The following NME8 variants were observed in gnomAD, a reference collection of about 807,000 sequenced individuals.
NME8 encodes NME/NM23 family member 8.
Under a neutral mutation model 82.3 loss-of-function variants are expected in NME8, and 72 were observed. The observed-to-expected ratio is 0.87, with a 90% CI of 0.72 to 1.06. NME8 has a LOEUF of 1.06. Ranked by LOEUF, NME8 falls within the 50% of genes least tolerant of loss-of-function variation. NME8 has a pLI of 0.00. For synonymous variants in NME8, 267 were observed against 228.5 expected, an observed-to-expected ratio of 1.17 and a Z score of -1.52; for missense variants, 712 against 685.4, an observed-to-expected ratio of 1.04 and a Z score of -0.43.
At chr7:37,853,154 C>T (rs1430864008) in intron 5 of NME8, among the ~76,000 whole-genome samples, 2 of 151,966 alleles carry the variant, frequency 1.3e-5, no homozygotes, top group Non-Finnish European at 2.9e-5. Context: ...AGGATTTTGG[C>T]TTATTTTTTT....
At chr7:37,898,509 A>G (rs529311107) in intron 17 of NME8, among the ~76,000 whole-genome samples, 1 of 152,224 alleles carries the variant, frequency 6.6e-6, no homozygotes, top group Non-Finnish European at 1.5e-5. Flanking sequence ...AGTGTGGTAT[A>G]AAGATACAAC....
intron 13 of NME8, 150 bp downstream of exon 13, chr7:37,884,597 A>G: frequency 1.5e-6 from 1 of 655,100 alleles, no homozygotes; most frequent in South Asian, 1.8e-5. Flanking sequence ...TCCCATCCCA[A>G]TCCTCTGCTC....
chr7:37,864,932 C>T (rs1228251542), intron 9 of NME8, among the ~76,000 whole-genome samples: 1 of 152,088 alleles, frequency 6.6e-6, no homozygotes, highest in East Asian at 1.9e-4. Context: ...GAAAGACTAG[C>T]CCCCATAATT....
chr7:37,854,798 C>G (rs1448798512), intron 5 of NME8, among the ~76,000 whole-genome samples: 1 of 94,970 alleles, frequency 1.1e-5, no homozygotes, highest in African/African-American at 3.0e-5. Flanking sequence ...TATCTTGAAA[C>G]CTTTCACCCC....
intron 6 of NME8, among the ~76,000 whole-genome samples, chr7:37,858,893 A>G (rs933236008): frequency 1.7e-4 from 26 of 152,194 alleles, no homozygotes; most frequent in African/African-American, 6.3e-4. Flanking sequence ...TCCCTACAGT[A>G]ATGAGTGAGT....
chr7:37,861,536 G>A (rs957462004), intron 6 of NME8, among the ~76,000 whole-genome samples: 5 of 152,074 alleles, frequency 3.3e-5, no homozygotes, highest in African/African-American at 7.2e-5. Flanking sequence ...GTGTTTTTAT[G>A]TAGGGCTTTT....
At chr7:37,891,491 A>G (rs746644851) in intron 15 of NME8, among the ~76,000 whole-genome samples, 4 of 151,982 alleles carry the variant, frequency 2.6e-5, no homozygotes, top group Admixed American at 6.6e-5. Flanking sequence ...AGTTTAAAAC[A>G]TCTTATTATT....
chr7:37,867,826 A>G lies in NME8; in HGVS notation c.746A>G (p.Asn249Ser). Reference sequence around the variant, plus strand: ...GAACCACAGACTGACACCGAACCTAACGAACGATCTGAGGATCAACCTGAG... The same window carrying G: ...GAACCACAGACTGACACCGAACCTAGCGAACGATCTGAGGATCAACCTGAG... Reference protein sequence around the residue: ...ETEPQTDTEPNERSEDQPEVE... With the variant: ...ETEPQTDTEPSERSEDQPEVE... Residue 249 changes from asparagine (N) to serine (S), a missense_variant, in exon 11 of 18, where the codon AAC (asparagine) becomes AGC (serine). By Grantham distance (46) the Asn-to-Ser change is conservative. Coordinates refer to ENST00000199447, the MANE Select transcript of NME8 (RefSeq NM_016616.5). 6.2e-7 allele frequency: 1 copy of G among 1,613,892 alleles called. No individual in the cohort carries two copies. Among genetic ancestry groups the G allele is most frequent in the Non-Finnish European group, 8.5e-7 (1 of 1,179,870 alleles).
Position 37,888,293 on chromosome 7 carries a change from G to C in NME8, c.1264G>C (p.Ala422Pro). 6.2e-7 allele frequency: 1 copy of C among 1,613,536 alleles called. No homozygotes were observed. The highest frequency in any genetic ancestry group is 8.5e-7 in the Non-Finnish European group (1 of 1,179,628). Reference sequence around the variant, plus strand: ...TTTTCAAAGTTTATGTGCACAGTTTGCGATGGACAGTTTGCCGGTCAACCA... The same window carrying C: ...TTTTCAAAGTTTATGTGCACAGTTTCCGATGGACAGTTTGCCGGTCAACCA... Reference protein sequence around the residue: ...YFPESLCAQFAMDSLPVNQLY... With the variant: ...YFPESLCAQFPMDSLPVNQLY... Residue 422 changes from alanine (A) to proline (P), a missense_variant, in exon 15 of 18, where the codon GCG (alanine) becomes CCG (proline). Coordinates refer to ENST00000199447, the MANE Select transcript of NME8 (RefSeq NM_016616.5).
At chr7:37,887,525 ATTG>A (rs975476680) in intron 14 of NME8, among the ~76,000 whole-genome samples, 31 of 152,188 alleles carry the variant, frequency 2.0e-4, no homozygotes, top group African/African-American at 6.8e-4. Context: ...AACAGGTTTT[ATTG>A]TTGTATTTAT....
chr7:37,894,797 CT>C (rs2131975627), intron 16 of NME8, among the ~76,000 whole-genome samples, 187 bp downstream of exon 16: 1 of 152,014 alleles, frequency 6.6e-6, no homozygotes, highest in African/African-American at 2.4e-5. Context: ...TTTTCTCTCT[CT>C]CATTCTGTCT....
chr7:37,876,609 T>C (rs1421294658), intron 11 of NME8, among the ~76,000 whole-genome samples: 1 of 152,158 alleles, frequency 6.6e-6, no homozygotes, highest in Non-Finnish European at 1.5e-5. Context: ...AAGTCAAACA[T>C]AGATAATATC....
intron 9 of NME8, 96 bp downstream of exon 9, chr7:37,864,517 G>C (rs960661406): frequency 1.1e-5 from 14 of 1,261,902 alleles, no homozygotes; most frequent in African/African-American, 1.5e-5. Flanking sequence ...GAGTGAAATA[G>C]AACAAAATGC....
At chr7:37,885,305 A>G (rs371651158) in intron 14 of NME8, 53 bp downstream of exon 14, 1 of 1,073,124 alleles carries the variant, frequency 9.3e-7, no homozygotes. Context: ...CATTTTAAAC[A>G]CCTTTTTAGA....
At chr7:37,896,437 T>C (rs564116600) in intron 16 of NME8, among the ~76,000 whole-genome samples, 1 of 152,288 alleles carries the variant, frequency 6.6e-6, no homozygotes, top group South Asian at 2.1e-4. Context: ...TGTCCAGTAT[T>C]GGCTGAGATG....
chr7:37,891,296 G>GT (rs1444219109), intron 15 of NME8, among the ~76,000 whole-genome samples: 1 of 151,066 alleles, frequency 6.6e-6, no homozygotes, highest in East Asian at 1.9e-4. Context: ...CATTTGTCTG[G>GT]TTTTGCTTTT....
At chr7:37,852,960 A>C (rs1784457318) in intron 5 of NME8, among the ~76,000 whole-genome samples, 1 of 152,204 alleles carries the variant, frequency 6.6e-6, no homozygotes, top group South Asian at 2.1e-4. Flanking sequence ...CCAACAATGA[A>C]TGAGAGTTTC....
At chr7:37,876,502 A>T (rs973817278) in intron 11 of NME8, among the ~76,000 whole-genome samples, 5 of 152,042 alleles carry the variant, frequency 3.3e-5, no homozygotes, top group Admixed American at 2.0e-4. Flanking sequence ...GATTAAAAAG[A>T]AAATTAAAAA....
chr7:37,872,852 G>T (rs1784789067), intron 11 of NME8, among the ~76,000 whole-genome samples: 1 of 152,020 alleles, frequency 6.6e-6, no homozygotes, highest in Non-Finnish European at 1.5e-5. Context: ...GCTTACAATA[G>T]TCCACCCTCA....
Sources: allele counts gnomAD v4.1 joint callset (sites outside exome capture counted in the v4.1 genomes callset), GRCh38; gene constraint gnomAD v4.1.1; transcripts MANE v1.5; gene names NCBI Gene and HGNC (gene_info 2026-07-23, HGNC 2026-07-21).